PTPRT: variants seen among roughly 807,000 people sequenced by gnomAD.
PTPRT encodes receptor-type tyrosine-protein phosphatase T.
PTPRT carries 56 observed loss-of-function variants against 176.8 expected under a neutral mutation model. The observed-to-expected ratio is 0.32, with a 90% confidence interval of 0.26 to 0.40. PTPRT has a LOEUF of 0.40. PTPRT is among the 10% of genes least tolerant of loss of function. The pLI is 1.00. For missense variants in PTPRT, 1,540 were observed against 1,908.2 expected, an observed-to-expected ratio of 0.81 and a Z score of 3.60; for synonymous variants, 783 against 739.0, an observed-to-expected ratio of 1.06 and a Z score of -0.96.
intron 1 of PTPRT, among the ~76,000 whole-genome samples, chr20:43,185,721 G>GCCGAGGTAGGCACA (rs1242034458): frequency 2.6e-5 from 4 of 152,192 alleles, no homozygotes; most frequent in Non-Finnish European, 5.9e-5. Flanking sequence ...ATCACCTGAG[G>GCCGAGGTAGGCACA]TCAGGAGTTC....
intron 1 of PTPRT, among the ~76,000 whole-genome samples, chr20:43,022,227 G>A (rs1985713740): frequency 6.6e-6 from 1 of 152,194 alleles, no homozygotes; most frequent in South Asian, 2.1e-4. Context: ...TAATCAATGG[G>A]GATAAACTTG....
chr20:42,350,229 T>TGTTGTTTTG (rs760600952), intron 11 of PTPRT, among the ~76,000 whole-genome samples: 15,239 of 95,790 alleles, frequency 0.16, 1,100 homozygotes, highest in South Asian at 0.29. Context: ...TTTTTTTTTT[T>TGTTGTTTTG]TTTTTTTTTT....
At chr20:42,662,966 ATGTGTGTGTGTG>A (rs10548733) in intron 7 of PTPRT, among the ~76,000 whole-genome samples, 1 of 148,024 alleles carries the variant, frequency 6.8e-6, no homozygotes, top group African/African-American at 2.6e-5. Flanking sequence ...ACCTGAATAT[ATGTGTGTGTGTG>A]TGTGTGTGTA....
intron 7 of PTPRT, among the ~76,000 whole-genome samples, chr20:42,576,045 C>T (rs1289526601): frequency 2.6e-5 from 4 of 152,150 alleles, no homozygotes; most frequent in Admixed American, 6.6e-5. Context: ...GGCAACCTGT[C>T]GAGACTCAGG....
intron 6 of PTPRT, among the ~76,000 whole-genome samples, chr20:42,693,840 C>T (rs1024461298): frequency 4.6e-5 from 7 of 152,060 alleles, no homozygotes; most frequent in Non-Finnish European, 5.9e-5. Context: ...GGGTTTCTCA[C>T]GCTACTCCTT....
intron 18 of PTPRT, among the ~76,000 whole-genome samples, chr20:42,135,671 T>C (rs1159226551): frequency 6.6e-6 from 1 of 152,148 alleles, no homozygotes; most frequent in Non-Finnish European, 1.5e-5. Flanking sequence ...TACGGAAATT[T>C]AGCTGTGTGA....
intron 1 of PTPRT, among the ~76,000 whole-genome samples, chr20:43,186,393 C>G (rs1217787721): frequency 3.3e-5 from 5 of 152,162 alleles, no homozygotes; most frequent in Non-Finnish European, 7.3e-5. Flanking sequence ...ATCTCTTCAC[C>G]ATCATCAGTA....
At chr20:42,131,275 C>T (rs1260648587) in intron 18 of PTPRT, among the ~76,000 whole-genome samples, 1 of 152,164 alleles carries the variant, frequency 6.6e-6, no homozygotes, top group African/African-American at 2.4e-5. Flanking sequence ...TGACTCTCAG[C>T]CCAGGGCATC....
chr20:42,681,661 T>C (rs929832678), intron 6 of PTPRT, among the ~76,000 whole-genome samples: 1 of 152,178 alleles, frequency 6.6e-6, no homozygotes, highest in Non-Finnish European at 1.5e-5. Context: ...GACACAATCT[T>C]GGCTGCATGG....
At position 43,070,885 on chromosome 20, in the gene PTPRT, T is replaced by C. The variant is rs372554470; in HGVS notation, c.88+118761A>G. 5.1e-4 allele frequency among the ~76,000 whole-genome samples: 77 copies of C among 149,536 alleles called. 3 individuals carry two copies. The East Asian group carries it at 9.3e-3, about 18-fold the overall frequency. ...CTAATGTAAATGACGAGTTAATGGG[T>C]GCAGCACACCAACATGGCACATGTA... On this transcript the variant is annotated intron_variant, in intron 1 of 30. Transcript: ENST00000373187.
At chr20:42,710,666 G>T (rs867909359) in intron 6 of PTPRT, among the ~76,000 whole-genome samples, 4 of 152,268 alleles carry the variant, frequency 2.6e-5, no homozygotes, top group South Asian at 2.1e-4. Context: ...GTGCCATGGA[G>T]AAATGTGGGG....
intron 1 of PTPRT, among the ~76,000 whole-genome samples, chr20:42,972,035 C>T (rs1982671667): frequency 2.0e-5 from 3 of 151,264 alleles, no homozygotes; most frequent in Admixed American, 1.3e-4. Flanking sequence ...GACAACCTGA[C>T]GTGGTTATAT....
chr20:42,400,019 C>A (rs1029694142), intron 9 of PTPRT, among the ~76,000 whole-genome samples: 6 of 152,204 alleles, frequency 3.9e-5, no homozygotes, highest in African/African-American at 1.4e-4. Context: ...CAAGAAAACA[C>A]AGCCTGGTCC....
At chr20:42,355,130 G>T (rs968232559) in intron 9 of PTPRT, among the ~76,000 whole-genome samples, 1 of 152,164 alleles carries the variant, frequency 6.6e-6, no homozygotes, top group East Asian at 1.9e-4. Flanking sequence ...TGGGAATGGG[G>T]GTTAATTAAC....
At chr20:43,157,745 G>A (rs6016967) in intron 1 of PTPRT, among the ~76,000 whole-genome samples, 13,329 of 152,168 alleles carry the variant, frequency 0.088, 919 homozygotes, top group East Asian at 0.27. Context: ...CTCCAAGGAG[G>A]CAAGGGAGTT....
chr20:42,188,868 T>C (rs1363113887), intron 16 of PTPRT, among the ~76,000 whole-genome samples: 1 of 152,164 alleles, frequency 6.6e-6, no homozygotes, highest in East Asian at 1.9e-4. Context: ...TTTGAAAGTG[T>C]ATTGAGGAAT....
intron 7 of PTPRT, among the ~76,000 whole-genome samples, chr20:42,522,263 C>T (rs540725165): frequency 2.7e-5 from 4 of 150,364 alleles, no homozygotes; most frequent in Non-Finnish European, 4.4e-5. Flanking sequence ...ACCTTAGTCT[C>T]CATTTCTTAG....
intron 16 of PTPRT, among the ~76,000 whole-genome samples, chr20:42,173,828 T>G (rs1245415643): frequency 6.6e-6 from 1 of 152,218 alleles, no homozygotes; most frequent in Non-Finnish European, 1.5e-5. Context: ...TTTGGTAACA[T>G]GTAGGTTGAT....
chr20:43,139,167 G>C (rs551199053), intron 1 of PTPRT, among the ~76,000 whole-genome samples: 5 of 152,160 alleles, frequency 3.3e-5, no homozygotes, highest in Non-Finnish European at 5.9e-5. Context: ...ACCACTAAAG[G>C]CCTCAGCTGG....
Sources: allele counts gnomAD v4.1 joint callset (sites outside exome capture counted in the v4.1 genomes callset), GRCh38; gene constraint gnomAD v4.1.1; transcripts MANE v1.5; gene names NCBI Gene and HGNC (gene_info 2026-07-23, HGNC 2026-07-21).